The following CATSPERD variants were observed in gnomAD, a reference collection of about 807,000 sequenced individuals.
CATSPERD encodes catsper channel auxiliary subunit delta.
A neutral mutation model predicts 98.1 loss-of-function variants in CATSPERD; 86 were observed. That is an observed-to-expected ratio of 0.88 (90% CI 0.74 to 1.05). The LOEUF (loss-of-function observed/expected upper bound fraction) is 1.05, where lower values mean the gene tolerates loss of function less well. Among genes scored for constraint, CATSPERD ranks in the 50% least tolerant of loss-of-function variants. The pLI, the probability that CATSPERD is intolerant of heterozygous loss-of-function variation, is 0.00. For synonymous variants in CATSPERD, 394 were observed against 390.2 expected (o/e 1.01, Z -0.12); for missense variants, 995 against 1,005.7 (o/e 0.99, Z 0.14).
intron 6 of CATSPERD, among the ~76,000 whole-genome samples, chr19:5,738,444 A>G (rs1010786710): frequency 6.6e-6 from 1 of 151,674 alleles, no homozygotes; most frequent in Non-Finnish European, 1.5e-5. Context: ...GGGTGGGAGG[A>G]TGGCTTGAGC....
rs368130282 is a variant in CATSPERD at position 5,749,530 on chromosome 19, A to G, written c.987+347A>G. On this transcript the variant is annotated intron_variant, in intron 11 of 21. Transcript: ENST00000381624. ...TCACAAACTTCTGAACCTTTTTTCG[A>G]AGGCTAGAAATCACTCTAGTTAGTA... is the stretch of plus-strand genomic sequence containing the variant. Among the ~76,000 whole-genome samples the G allele has an allele frequency of 3.5e-4, 53 of 152,270 alleles. 1 individual carries two copies. In the South Asian group the frequency reaches 0.011, roughly 31 times the overall value.
chr19:5,778,613 C>T lies in CATSPERD; in HGVS notation c.2334C>T (p.Ala778=). ...TVCQFRASAT[A]RAGTEPPGRH... is the part of the protein sequence containing the mutation. ...GCCAGTTCAGGGCCTCAGCCACAGC[C>T]AGGGCAGGCACAGAGCCCCCGGGAC... Residue 778 remains alanine, a synonymous_variant, in exon 22 of 22, where the codon GCC becomes GCT. Coordinates refer to ENST00000381624, the MANE Select transcript of CATSPERD (RefSeq NM_152784.4). 1 of 1,613,778 alleles carries T rather than the reference C, an allele frequency of 6.2e-7. No individual in the cohort carries two copies. Among genetic ancestry groups the T allele is most frequent in the South Asian group, 1.1e-5 (1 of 91,084 alleles).
intron 20 of CATSPERD, among the ~76,000 whole-genome samples, chr19:5,773,501 CTG>C (rs1186575842): frequency 2.6e-5 from 4 of 152,168 alleles, no homozygotes; most frequent in Non-Finnish European, 5.9e-5. Flanking sequence ...AATTCCCGGG[CTG>C]TCTTACTCAG....
chr19:5,722,523 A>C (rs1381181707), intron 1 of CATSPERD, among the ~76,000 whole-genome samples: 1 of 152,212 alleles, frequency 6.6e-6, no homozygotes, highest in Non-Finnish European at 1.5e-5. Context: ...TTCCAGTGAA[A>C]TTTACTAATA....
chr19:5,768,136 T>C (rs764233857), intron 17 of CATSPERD, 32 bp from the exon 18 acceptor site: 2 of 1,598,700 alleles, frequency 1.3e-6, no homozygotes, highest in South Asian at 1.1e-5. Flanking sequence ...TGTGAGGTCA[T>C]GCCATTGCTC....
intron 21 of CATSPERD, among the ~76,000 whole-genome samples, chr19:5,778,030 A>AC (rs1428852303): frequency 1.3e-5 from 2 of 151,548 alleles, no homozygotes; most frequent in East Asian, 2.0e-4. Context: ...CCGAGGTGAA[A>AC]CCCCATCTCT....
At chr19:5,737,719 G>A (rs1204580931) in intron 6 of CATSPERD, among the ~76,000 whole-genome samples, 2 of 150,938 alleles carry the variant, frequency 1.3e-5, no homozygotes, top group Admixed American at 6.6e-5. Context: ...GCATGGTGGC[G>A]TGTGCCTGTA....
At chr19:5,751,951 C>A in intron 12 of CATSPERD, 128 bp downstream of exon 12, 2 of 890,406 alleles carry the variant, frequency 2.2e-6, no homozygotes, top group Non-Finnish European at 3.2e-6. Flanking sequence ...TTGTTTGAGG[C>A]CAGGAGTTCA....
chr19:5,753,334 G>T (rs1399642840), intron 12 of CATSPERD, among the ~76,000 whole-genome samples: 1 of 151,998 alleles, frequency 6.6e-6, no homozygotes, highest in African/African-American at 2.4e-5. Context: ...GCTAAGGTGG[G>T]TGGATCACAA....
At chr19:5,733,253 C>A (rs758161605) in intron 4 of CATSPERD, among the ~76,000 whole-genome samples, 2 of 152,048 alleles carry the variant, frequency 1.3e-5, no homozygotes, top group Non-Finnish European at 2.9e-5. Flanking sequence ...CTTGGCCTCC[C>A]AAAATGCTGG....
chr19:5,775,012 G>A (rs1449114677), intron 20 of CATSPERD, among the ~76,000 whole-genome samples: 1 of 151,752 alleles, frequency 6.6e-6, no homozygotes, highest in Non-Finnish European at 1.5e-5. Flanking sequence ...AGAAGAAAAT[G>A]TCTCAAAATA....
chr19:5,753,972 G>A (rs1177886353), intron 12 of CATSPERD, among the ~76,000 whole-genome samples, 160 bp from the exon 13 acceptor site: 6 of 152,090 alleles, frequency 3.9e-5, no homozygotes, highest in East Asian at 1.9e-4. Flanking sequence ...TGCCCATCTC[G>A]AGACCCTTCT....
rs190356946 is a variant in CATSPERD at position 5,754,246 on chromosome 19, G to A, written c.1278+1G>A. 7.5e-6 allele frequency: 12 copies of A among 1,603,662 alleles called. No individual in the cohort carries two copies. In the East Asian group the frequency reaches 8.9e-5, roughly 12 times the overall value. On this transcript the variant is annotated splice_donor_variant, in intron 13 of 21. Transcript: ENST00000381624. LOFTEE classifies it high-confidence loss of function. ...GCCAGGCACATCCCTGATTCCTCTGGTAAGTACATCTTAATGTTTCTGCTA... is the reference window on the plus strand; with the variant it reads ...GCCAGGCACATCCCTGATTCCTCTGATAAGTACATCTTAATGTTTCTGCTA...
chr19:5,723,483 G>A (rs1328887347), intron 1 of CATSPERD, among the ~76,000 whole-genome samples: 1 of 33,306 alleles, frequency 3.0e-5, no homozygotes, highest in African/African-American at 1.1e-4. Context: ...TTTTTTTTTT[G>A]AGACGGAGTC....
chr19:5,741,630 A>G (rs577528894), intron 7 of CATSPERD, among the ~76,000 whole-genome samples: 1 of 152,110 alleles, frequency 6.6e-6, no homozygotes, highest in African/African-American at 2.4e-5. Flanking sequence ...CATTCAAACC[A>G]TAGCAGGAAA....
chr19:5,732,412 A>C (rs1239697105), intron 4 of CATSPERD, among the ~76,000 whole-genome samples: 5 of 151,822 alleles, frequency 3.3e-5, no homozygotes, highest in Admixed American at 2.6e-4. Context: ...TATTGCTGGC[A>C]TACATGGTGT....
chr19:5,728,848 A>G (rs2145687351), intron 3 of CATSPERD, among the ~76,000 whole-genome samples: 1 of 151,866 alleles, frequency 6.6e-6, no homozygotes, highest in African/African-American at 2.4e-5. Context: ...ACAGGTGTGC[A>G]CCACCACGCC....
intron 13 of CATSPERD, among the ~76,000 whole-genome samples, chr19:5,754,896 G>A (rs547973195): frequency 6.7e-6 from 1 of 150,178 alleles, no homozygotes; most frequent in South Asian, 2.1e-4. Flanking sequence ...CCAGGCTGGA[G>A]TGCAATGGCA....
chr19:5,760,925 C>T (rs1486394042), intron 15 of CATSPERD, among the ~76,000 whole-genome samples: 1 of 150,164 alleles, frequency 6.7e-6, no homozygotes, highest in Non-Finnish European at 1.5e-5. Context: ...GGCGACAGAG[C>T]GAGACCCCCA....
Sources: gnomAD v4.1 joint callset for allele counts (sites outside exome capture counted in the v4.1 genomes callset) on GRCh38, gnomAD v4.1.1 for gene constraint, MANE v1.5 for transcripts, NCBI Gene and HGNC (gene_info 2026-07-23, HGNC 2026-07-21) for gene names.